EIF4ENIF1: variants seen among roughly 807,000 people sequenced by gnomAD.
EIF4ENIF1 encodes eukaryotic translation initiation factor 4E nuclear import factor 1.
A neutral mutation model predicts 110.5 loss-of-function variants in EIF4ENIF1; 23 were observed. That is an observed-to-expected ratio of 0.21 (90% CI 0.15 to 0.29). The LOEUF is 0.29. Among genes scored for constraint, EIF4ENIF1 ranks in the 10% least tolerant of loss-of-function variants. EIF4ENIF1 has a pLI of 1.00. For synonymous variants in EIF4ENIF1, 440 were observed against 437.0 expected, an observed-to-expected ratio of 1.01 and a Z score of -0.09; for missense variants, 1,031 against 1,221.1, an observed-to-expected ratio of 0.84 and a Z score of 2.32.
intron 10 of EIF4ENIF1, chr22:31,453,314 G>T: frequency 2.8e-6 from 1 of 359,680 alleles, no homozygotes; most frequent in Non-Finnish European, 5.5e-6. Context: ...TTTTAACTTG[G>T]AGCCACAACT....
At chr22:31,470,228 A>C (rs1035748846) in intron 3 of EIF4ENIF1, among the ~76,000 whole-genome samples, 4 of 131,402 alleles carry the variant, frequency 3.0e-5, no homozygotes, top group Non-Finnish European at 6.4e-5. Flanking sequence ...TCAAGTATCA[A>C]GTATCACCTT....
chr22:31,444,359 G>A (rs935896122), intron 15 of EIF4ENIF1: 5 of 415,942 alleles, frequency 1.2e-5, no homozygotes, highest in African/African-American at 2.0e-5. Context: ...ATATCACCTC[G>A]TGTGCCCTGG....
chr22:31,438,093 C>T (rs1015103771), downstream of EIF4ENIF1, among the ~76,000 whole-genome samples: 12 of 152,110 alleles, frequency 7.9e-5, no homozygotes, highest in Non-Finnish European at 1.6e-4. Context: ...CTTAGGCTGC[C>T]CAAGACTCTA....
Position 31,451,569 on chromosome 22 carries a change from C to T in EIF4ENIF1, c.1513-1209G>A, listed in dbSNP as rs140312714. On this transcript the variant is annotated intron_variant, in intron 10 of 18. Coordinates refer to ENST00000330125, the MANE Select transcript of EIF4ENIF1 (RefSeq NM_019843.4). ...GATTACAGGCATGAGCCACCGCACC[C>T]GGCAACTTTATTATTTTTTAAACGA... is the stretch of plus-strand genomic sequence containing the variant. Among the ~76,000 whole-genome samples, 695 of 152,144 alleles carry T rather than the reference C, an allele frequency of 4.6e-3. 5 individuals carry two copies. Among genetic ancestry groups the T allele is most frequent in the African/African-American group, 0.016 (669 of 41,518 alleles).
chr22:31,449,622 A>T, intron 11 of EIF4ENIF1, 91 bp from the exon 12 acceptor site: 1 of 1,193,964 alleles, frequency 8.4e-7, no homozygotes, highest in Non-Finnish European at 1.2e-6. Flanking sequence ...GAGCCACAAG[A>T]TGGATCTCCC....
At chr22:31,471,472 G>A (rs952844038) in intron 3 of EIF4ENIF1, among the ~76,000 whole-genome samples, 4 of 152,070 alleles carry the variant, frequency 2.6e-5, no homozygotes, top group Non-Finnish European at 5.9e-5. Flanking sequence ...ACGCCACCAC[G>A]CCTGGCTAAT....
chr22:31,476,709 G>A (rs1045784618), intron 2 of EIF4ENIF1, among the ~76,000 whole-genome samples: 9 of 151,816 alleles, frequency 5.9e-5, no homozygotes, highest in Admixed American at 2.6e-4. Flanking sequence ...AGCCTGGCAC[G>A]CCTGTAATCC....
At chr22:31,460,371 C>A (rs1292815465) in intron 6 of EIF4ENIF1, among the ~76,000 whole-genome samples, 1 of 152,198 alleles carries the variant, frequency 6.6e-6, no homozygotes, top group Non-Finnish European at 1.5e-5. Flanking sequence ...CAGTGGTTCA[C>A]GCCTATAATC....
At position 31,439,598 on chromosome 22, in the gene EIF4ENIF1, C is replaced by T; in HGVS notation, c.*282G>A. On this transcript the variant is annotated 3_prime_UTR_variant, in exon 19 of 19. Coordinates refer to ENST00000330125, the MANE Select transcript of EIF4ENIF1 (RefSeq NM_019843.4). ...TCCTCAGAACCCTTAGGTGCCACCTCTTGGTGAGGACACCAACACTTCATT... is the reference window on the plus strand; with the variant it reads ...TCCTCAGAACCCTTAGGTGCCACCTTTTGGTGAGGACACCAACACTTCATT... The T allele has an allele frequency of 2.3e-6, 1 of 442,320 alleles. No homozygotes were observed. The highest frequency in any genetic ancestry group is 4.0e-6 in the Non-Finnish European group (1 of 247,960). 27.4% of individuals were successfully genotyped at this position (442,320 alleles called of 1,614,324 possible). A position where few individuals can be genotyped will look rare whatever the true frequency, so the allele number is the denominator to read the frequency against.
At chr22:31,441,550 GAAA>G (rs771597260) in intron 17 of EIF4ENIF1, among the ~76,000 whole-genome samples, 29 of 65,250 alleles carry the variant, frequency 4.4e-4, no homozygotes, top group African/African-American at 1.4e-3. Context: ...CTACAAAAAG[GAAA>G]AAAAAAAAAA....
At chr22:31,446,758 T>G (rs1194592796) in intron 14 of EIF4ENIF1, among the ~76,000 whole-genome samples, 1 of 152,208 alleles carries the variant, frequency 6.6e-6, no homozygotes, top group Non-Finnish European at 1.5e-5. Flanking sequence ...TGCCTTATAA[T>G]AAGCTACACA....
At chr22:31,450,777 T>C (rs10568332) in intron 10 of EIF4ENIF1, 6 of 238,494 alleles carry the variant, frequency 2.5e-5, no homozygotes, top group East Asian at 2.0e-4. Context: ...CATACATATA[T>C]ACACACACAT....
intron 3 of EIF4ENIF1, among the ~76,000 whole-genome samples, chr22:31,469,834 A>G (rs946025811): frequency 2.0e-5 from 3 of 152,164 alleles, no homozygotes; most frequent in Non-Finnish European, 4.4e-5. Context: ...TTATGACTAC[A>G]GGCAGGTGCC....
chr22:31,456,122 A>T, intron 7 of EIF4ENIF1, 135 bp from the exon 8 acceptor site: 1 of 876,862 alleles, frequency 1.1e-6, no homozygotes, highest in Non-Finnish European at 1.7e-6. Context: ...CTCAGAACCT[A>T]GGAATTTGAA....
chr22:31,439,870 C>T lies in EIF4ENIF1; in HGVS notation c.*10G>A. The T allele has an allele frequency of 6.2e-7, 1 of 1,611,458 alleles. No individual in the cohort carries two copies. The stretch of plus-strand genomic sequence containing the variant: ...ACAGGTCCGGGCTTAGTTGAGTCTG[C>T]CTGCCCTGCTCACTGTCGGTATTCC... On this transcript the variant is annotated 3_prime_UTR_variant, in exon 19 of 19. Coordinates refer to ENST00000330125, the MANE Select transcript of EIF4ENIF1 (RefSeq NM_019843.4).
At chr22:31,478,948 T>G (rs1197677764) in intron 2 of EIF4ENIF1, among the ~76,000 whole-genome samples, 1 of 96,796 alleles carries the variant, frequency 1.0e-5, no homozygotes, top group South Asian at 3.1e-4. Context: ...AGAGACTGTT[T>G]CAAAAAAAAA....
At chr22:31,466,497 G>A (rs2051192426) in intron 4 of EIF4ENIF1, among the ~76,000 whole-genome samples, 1 of 151,720 alleles carries the variant, frequency 6.6e-6, no homozygotes, top group Admixed American at 6.6e-5. Flanking sequence ...CAAGACAATC[G>A]CTTTAACCTG....
At chr22:31,441,484 G>A (rs934140724) in intron 17 of EIF4ENIF1, among the ~76,000 whole-genome samples, 1 of 147,550 alleles carries the variant, frequency 6.8e-6, no homozygotes, top group Non-Finnish European at 1.5e-5. Context: ...AGGTTGCAGT[G>A]AGCTGAGATT....
At chr22:31,456,844 G>A (rs542597604) in intron 7 of EIF4ENIF1, among the ~76,000 whole-genome samples, 2 of 152,262 alleles carry the variant, frequency 1.3e-5, no homozygotes, top group South Asian at 4.2e-4. Flanking sequence ...AAGCCTCTAT[G>A]CTACAAAAAG....
Sources: gnomAD v4.1 joint callset for allele counts (sites outside exome capture counted in the v4.1 genomes callset) on GRCh38, gnomAD v4.1.1 for gene constraint, MANE v1.5 for transcripts, NCBI Gene and HGNC (gene_info 2026-07-23, HGNC 2026-07-21) for gene names.